The following ATG10 variants were observed in gnomAD, a reference collection of about 807,000 sequenced individuals.
The protein encoded by ATG10 is ubiquitin-like-conjugating enzyme ATG10.
ATG10 carries 30 observed loss-of-function variants against 32.1 expected under a neutral mutation model. The observed-to-expected ratio is 0.94, with a 90% CI of 0.70 to 1.27. The LOEUF (loss-of-function observed/expected upper bound fraction) is 1.27. ATG10 is among the 50% of genes most tolerant of loss of function. ATG10 has a pLI of 0.00. For missense variants in ATG10, 233 were observed against 262.3 expected, an observed-to-expected ratio of 0.89 and a Z score of 0.77; for synonymous variants, 87 against 91.5, an observed-to-expected ratio of 0.95 and a Z score of 0.28.
At chr5:82,046,481 A>G (rs960453814) in intron 2 of ATG10, among the ~76,000 whole-genome samples, 1 of 152,132 alleles carries the variant, frequency 6.6e-6, no homozygotes, top group Non-Finnish European at 1.5e-5. Context: ...GCAACAGCCT[A>G]AAGAGAGAGC....
intron 2 of ATG10, among the ~76,000 whole-genome samples, chr5:82,046,021 C>T (rs758300626): frequency 6.6e-6 from 1 of 152,138 alleles, no homozygotes; most frequent in Non-Finnish European, 1.5e-5. Context: ...GCCCTTTTGG[C>T]TTCCAGCAGT....
intron 1 of ATG10, among the ~76,000 whole-genome samples, chr5:81,974,629 TG>T (rs1230274941): frequency 6.6e-6 from 1 of 152,138 alleles, no homozygotes; most frequent in African/African-American, 2.4e-5. Context: ...TTTTAAGAAG[TG>T]GGGTCTCTAA....
chr5:82,201,578 T>G (rs1012629814), intron 5 of ATG10, among the ~76,000 whole-genome samples: 2 of 152,214 alleles, frequency 1.3e-5, no homozygotes, highest in African/African-American at 2.4e-5. Flanking sequence ...TGATAAACCC[T>G]GTCTCTAAAG....
intron 5 of ATG10, among the ~76,000 whole-genome samples, chr5:82,207,654 T>C (rs1745348738): frequency 6.6e-6 from 1 of 152,224 alleles, no homozygotes; most frequent in South Asian, 2.1e-4. Context: ...TTAAGAATCA[T>C]ATCCTGTATT....
At chr5:82,006,672 T>C (rs1315499025) in intron 2 of ATG10, among the ~76,000 whole-genome samples, 1 of 152,180 alleles carries the variant, frequency 6.6e-6, no homozygotes, top group African/African-American at 2.4e-5. Context: ...ATGCACATAA[T>C]GTAAATTTAC....
chr5:82,180,140 T>G (rs890898303), intron 5 of ATG10, among the ~76,000 whole-genome samples: 10 of 152,142 alleles, frequency 6.6e-5, no homozygotes, highest in Non-Finnish European at 1.3e-4. Flanking sequence ...TGGGATGTGG[T>G]CTAAATGCTT....
At chr5:82,008,563 C>T (rs1472098234) in intron 2 of ATG10, among the ~76,000 whole-genome samples, 1 of 152,168 alleles carries the variant, frequency 6.6e-6, no homozygotes, top group Non-Finnish European at 1.5e-5. Context: ...TAATACTTCA[C>T]AAATTTATAA....
chr5:82,172,532 A>G (rs1743847033), intron 4 of ATG10, among the ~76,000 whole-genome samples: 1 of 152,188 alleles, frequency 6.6e-6, no homozygotes. Context: ...GATCTTCACA[A>G]TAAAATTAGA....
At chr5:82,195,200 G>A (rs908749360) in intron 5 of ATG10, among the ~76,000 whole-genome samples, 1 of 152,060 alleles carries the variant, frequency 6.6e-6, no homozygotes, top group African/African-American at 2.4e-5. Flanking sequence ...TTTGATATTG[G>A]TTCCCTATGT....
chr5:82,014,832 A>G (rs1762234687), intron 2 of ATG10, among the ~76,000 whole-genome samples: 1 of 152,162 alleles, frequency 6.6e-6, no homozygotes, highest in Admixed American at 6.5e-5. Context: ...TTTACATTTA[A>G]GGTTAATACT....
chr5:82,162,067 A>G (rs1343725949), intron 3 of ATG10, among the ~76,000 whole-genome samples: 1 of 152,130 alleles, frequency 6.6e-6, no homozygotes, highest in East Asian at 1.9e-4. Flanking sequence ...AGTGTTTTTT[A>G]TATATGTGTG....
chr5:81,987,724 G>T, intron 2 of ATG10, 46 bp downstream of exon 2: 1 of 1,449,188 alleles, frequency 6.9e-7, no homozygotes, highest in Non-Finnish European at 9.5e-7. Flanking sequence ...AGGATTTTTT[G>T]TTTTGTTTTG....
At chr5:82,137,757 G>A (rs553343951) in intron 3 of ATG10, among the ~76,000 whole-genome samples, 3 of 152,156 alleles carry the variant, frequency 2.0e-5, no homozygotes, top group Admixed American at 6.5e-5. Flanking sequence ...TGGGAGATCC[G>A]CTTCTCTCTT....
At chr5:81,994,327 C>T (rs1387683758) in intron 2 of ATG10, among the ~76,000 whole-genome samples, 1 of 152,020 alleles carries the variant, frequency 6.6e-6, no homozygotes, top group African/African-American at 2.4e-5. Context: ...CACGCTGTCT[C>T]CAGAGTCCTA....
intron 3 of ATG10, among the ~76,000 whole-genome samples, chr5:82,142,775 A>T (rs1193219364): frequency 6.6e-6 from 1 of 152,176 alleles, no homozygotes; most frequent in Non-Finnish European, 1.5e-5. Context: ...AGTGGCAAAG[A>T]TTATGGAAAT....
At chr5:82,020,754 T>G (rs1409296862) in intron 2 of ATG10, among the ~76,000 whole-genome samples, 3 of 152,166 alleles carry the variant, frequency 2.0e-5, no homozygotes, top group African/African-American at 7.2e-5. Flanking sequence ...TCAAGTACTT[T>G]TTTAGACCTC....
chr5:82,077,450 GTAA>G (rs1240711215), intron 3 of ATG10, among the ~76,000 whole-genome samples: 8 of 152,184 alleles, frequency 5.3e-5, no homozygotes. Flanking sequence ...ACTAGCATTT[GTAA>G]TAATAATATT....
chr5:81,983,563 T>G (rs1460149391), intron 1 of ATG10, among the ~76,000 whole-genome samples: 1 of 135,864 alleles, frequency 7.4e-6, no homozygotes, highest in African/African-American at 2.9e-5. Flanking sequence ...GCAGAGGGGC[T>G]CCTCACTTCC....
In ATG10 at chr5:82,107,305, A is replaced by T. The variant is rs533746680; in HGVS notation, c.216+48703A>T. 2.0e-5 allele frequency among the ~76,000 whole-genome samples: 3 copies of T among 152,236 alleles called. No homozygotes were observed. The South Asian group carries it at 6.2e-4, about 32-fold the overall frequency. On this transcript the variant is annotated intron_variant, in intron 3 of 7. Coordinates refer to ENST00000282185, the MANE Select transcript of ATG10 (RefSeq NM_031482.5). ...ATTTTAAGATCAGTTTTGTCCCTGTAAACAAATTTCATAGACAAACCTTTT... is the reference window on the plus strand; with the variant it reads ...ATTTTAAGATCAGTTTTGTCCCTGTTAACAAATTTCATAGACAAACCTTTT...
Sources: allele counts gnomAD v4.1 joint callset (sites outside exome capture counted in the v4.1 genomes callset), GRCh38; gene constraint gnomAD v4.1.1; transcripts MANE v1.5; gene names NCBI Gene and HGNC (gene_info 2026-07-23, HGNC 2026-07-21).